The following SGCZ variants were observed in gnomAD, a reference collection of about 807,000 sequenced individuals.
SGCZ encodes zeta-sarcoglycan.
A neutral mutation model predicts 41.3 loss-of-function variants in SGCZ; 40 were observed. That is an observed-to-expected ratio of 0.97 (90% confidence interval 0.75 to 1.26). The LOEUF is 1.26. Among genes scored for constraint, SGCZ ranks in the 50% most tolerant of loss-of-function variants. The pLI is 0.00. For missense variants in SGCZ, 552 were observed against 369.8 expected, an observed-to-expected ratio of 1.49 and a Z score of -4.04; for synonymous variants, 206 against 137.5, an observed-to-expected ratio of 1.50 and a Z score of -3.49.
intron 3 of SGCZ, among the ~76,000 whole-genome samples, chr8:14,249,433 G>C (rs1215625616): frequency 6.6e-6 from 1 of 151,868 alleles, no homozygotes; most frequent in Non-Finnish European, 1.5e-5. Flanking sequence ...TTATTTATTG[G>C]TCTGTTTCTC....
At chr8:14,585,997 A>T (rs540513021) in intron 1 of SGCZ, among the ~76,000 whole-genome samples, 1 of 152,256 alleles carries the variant, frequency 6.6e-6, no homozygotes, top group Admixed American at 6.5e-5. Flanking sequence ...GCAAATAAAA[A>T]AGAATGGGGG....
At chr8:14,496,245 T>C (rs1332692448) in intron 2 of SGCZ, among the ~76,000 whole-genome samples, 1 of 152,116 alleles carries the variant, frequency 6.6e-6, no homozygotes, top group East Asian at 1.9e-4. Context: ...TTTAAATTTT[T>C]TTTTGGAGAG....
rs1800011391 is a variant in SGCZ, at chr8:14,270,176, T to C, written c.337-32497A>G. On this transcript the variant is annotated intron_variant, in intron 3 of 7. Transcript: ENST00000382080. Reference sequence around the variant, plus strand: ...GTGAAACCCTGTGTTCTATGAATAATAAAAAATTAGCTGGTTGTGGTGACC... The same window carrying C: ...GTGAAACCCTGTGTTCTATGAATAACAAAAAATTAGCTGGTTGTGGTGACC... Among the ~76,000 whole-genome samples, 9 of 151,834 alleles carry C rather than the reference T, an allele frequency of 5.9e-5. No individual in the cohort carries two copies. In the South Asian group the frequency reaches 1.7e-3, roughly 28 times the overall value.
chr8:14,199,404 G>A (rs1184051342), intron 4 of SGCZ, among the ~76,000 whole-genome samples: 4 of 151,900 alleles, frequency 2.6e-5, no homozygotes, highest in South Asian at 2.1e-4. Flanking sequence ...ATGCATGCCC[G>A]AAACTTCATT....
At chr8:14,329,515 G>C (rs1395465010) in intron 2 of SGCZ, among the ~76,000 whole-genome samples, 1 of 151,994 alleles carries the variant, frequency 6.6e-6, no homozygotes, top group East Asian at 1.9e-4. Context: ...GACAGTTCAA[G>C]ATCACTTTAT....
At chr8:14,580,808 T>C (rs1804862727) in intron 1 of SGCZ, among the ~76,000 whole-genome samples, 1 of 152,172 alleles carries the variant, frequency 6.6e-6, no homozygotes, top group African/African-American at 2.4e-5. Flanking sequence ...TCTGATTAAA[T>C]TGCAGTAGTG....
At chr8:15,030,274 A>G (rs532623016) in intron 1 of SGCZ, among the ~76,000 whole-genome samples, 5 of 152,328 alleles carry the variant, frequency 3.3e-5, no homozygotes, top group African/African-American at 1.2e-4. Flanking sequence ...TTCATCCTTA[A>G]CTATGATTTA....
chr8:14,296,532 G>C (rs958400050), intron 3 of SGCZ, among the ~76,000 whole-genome samples: 2 of 152,056 alleles, frequency 1.3e-5, no homozygotes, highest in Non-Finnish European at 2.9e-5. Context: ...GAATTTGTGG[G>C]TTTAATCAAC....
chr8:14,086,346 C>G lies in SGCZ; in HGVS notation c.*4097G>C, dbSNP rs541413932. Among the ~76,000 whole-genome samples the G allele has an allele frequency of 6.6e-6, 1 of 151,662 alleles. No homozygotes were observed. Among genetic ancestry groups the G allele is most frequent in the Non-Finnish European group, 1.5e-5 (1 of 67,742 alleles). On this transcript the variant is annotated 3_prime_UTR_variant, in exon 8 of 8. Coordinates refer to ENST00000382080, the MANE Select transcript of SGCZ (RefSeq NM_139167.4). The stretch of plus-strand genomic sequence containing the variant: ...GCATTAGACGCTCTCCAGGCTATTG[C>G]TGCCTCATACAGAGATACCATGTTT...
intron 1 of SGCZ, among the ~76,000 whole-genome samples, chr8:14,728,113 A>G (rs539310636): frequency 1.3e-5 from 2 of 152,262 alleles, no homozygotes; most frequent in East Asian, 3.9e-4. Flanking sequence ...AAGAAGCAAG[A>G]TGGAACTTTC....
chr8:14,226,330 T>G (rs147907796), intron 4 of SGCZ, among the ~76,000 whole-genome samples: 1 of 152,172 alleles, frequency 6.6e-6, no homozygotes, highest in Non-Finnish European at 1.5e-5. Context: ...ATTACTACAG[T>G]CAAAATATAG....
chr8:15,157,256 G>A (rs570688880), intron 1 of SGCZ, among the ~76,000 whole-genome samples: 1 of 152,026 alleles, frequency 6.6e-6, no homozygotes, highest in African/African-American at 2.4e-5. Context: ...CGCATGGCTA[G>A]GCAGGGTGGC....
intron 2 of SGCZ, among the ~76,000 whole-genome samples, chr8:14,329,058 C>A (rs1005457909): frequency 2.1e-5 from 3 of 144,394 alleles, no homozygotes; most frequent in Non-Finnish European, 4.8e-5. Flanking sequence ...AAAATATTTT[C>A]TGCGTTTTTT....
chr8:15,028,125 T>G (rs139689635), intron 1 of SGCZ, among the ~76,000 whole-genome samples: 1 of 152,228 alleles, frequency 6.6e-6, no homozygotes, highest in African/African-American at 2.4e-5. Context: ...CCTTAGGACA[T>G]CACTACAACT....
chr8:14,169,786 A>T (rs992978665), intron 4 of SGCZ, among the ~76,000 whole-genome samples: 2 of 152,198 alleles, frequency 1.3e-5, no homozygotes, highest in African/African-American at 4.8e-5. Context: ...TTTTTGTAAG[A>T]CTATAGGTAC....
At chr8:14,418,142 G>A (rs1799546538) in intron 2 of SGCZ, among the ~76,000 whole-genome samples, 1 of 151,906 alleles carries the variant, frequency 6.6e-6, no homozygotes, top group South Asian at 2.1e-4. Context: ...TTCTAGGATG[G>A]AAAGTTCTGG....
intron 2 of SGCZ, among the ~76,000 whole-genome samples, chr8:14,339,514 T>C (rs535679267): frequency 6.6e-6 from 1 of 152,222 alleles, no homozygotes; most frequent in African/African-American, 2.4e-5. Flanking sequence ...AGAATCATCG[T>C]CAATGTTTTC....
At chr8:14,240,192 G>A (rs1382358202) in intron 3 of SGCZ, among the ~76,000 whole-genome samples, 1 of 151,480 alleles carries the variant, frequency 6.6e-6, no homozygotes, top group African/African-American at 2.4e-5. Context: ...GCCAGGCATG[G>A]TGGTGGGCTC....
At chr8:14,201,577 G>C (rs12155959) in intron 4 of SGCZ, among the ~76,000 whole-genome samples, 114,469 of 152,138 alleles carry the variant, frequency 0.75, 44,111 homozygotes, top group African/African-American at 0.91. Context: ...ACAGATTTAC[G>C]TATTTCAGAA....
Sources: allele counts gnomAD v4.1 joint callset (sites outside exome capture counted in the v4.1 genomes callset), GRCh38; gene constraint gnomAD v4.1.1; transcripts MANE v1.5; gene names NCBI Gene and HGNC (gene_info 2026-07-23, HGNC 2026-07-21).